PLCZ1: variants seen among roughly 807,000 people sequenced by gnomAD.
PLCZ1 encodes the protein 1-phosphatidylinositol 4,5-bisphosphate phosphodiesterase zeta-1.
A neutral mutation model predicts 76.8 loss-of-function variants in PLCZ1; 64 were observed. That is an observed-to-expected ratio of 0.83 (90% CI 0.68 to 1.03). The LOEUF (loss-of-function observed/expected upper bound fraction) is 1.03, where lower values mean the gene tolerates loss of function less well. PLCZ1 is among the 50% of genes least tolerant of loss of function. PLCZ1 has a pLI of 0.00. For synonymous variants in PLCZ1, 248 were observed against 230.8 expected (o/e 1.07, Z -0.68); for missense variants, 751 against 713.7 (o/e 1.05, Z -0.60).
At chr12:18,666,124 G>T in the PLCZ1 span, among the ~76,000 whole-genome samples, 1 of 151,482 alleles carries the variant, frequency 6.6e-6, no homozygotes, top group East Asian at 1.9e-4. Flanking sequence ...AAATGAAAAA[G>T]AAATCAAGTG....
the PLCZ1 span, among the ~76,000 whole-genome samples, chr12:18,656,649 T>G: frequency 6.6e-6 from 1 of 152,070 alleles, no homozygotes; most frequent in South Asian, 2.1e-4. Context: ...GGTGGAAGGA[T>G]TGCTTGAGGC....
At chr12:18,734,937 T>C (rs368284754) in intron 3 of PLCZ1, among the ~76,000 whole-genome samples, 2 of 152,206 alleles carry the variant, frequency 1.3e-5, no homozygotes, top group African/African-American at 4.8e-5. Flanking sequence ...GTTCCTTTTA[T>C]ACTTAATTTA....
chr12:18,650,919 C>T, the PLCZ1 span, among the ~76,000 whole-genome samples: 1 of 151,450 alleles, frequency 6.6e-6, no homozygotes, highest in Non-Finnish European at 1.5e-5. Flanking sequence ...TGAACAGTCT[C>T]CTCCTTTCTA....
chr12:18,675,712 A>G, the PLCZ1 span, among the ~76,000 whole-genome samples: 1 of 152,186 alleles, frequency 6.6e-6, no homozygotes, highest in East Asian at 1.9e-4. Context: ...ATAAAATTAT[A>G]TCTTTTGCAG....
intron 3 of PLCZ1, chr12:18,731,138 G>T (rs1197977181): frequency 6.6e-6 from 1 of 152,052 alleles, no homozygotes; most frequent in Non-Finnish European, 1.5e-5. Context: ...ATTGAGAGAA[G>T]TGGTTGTTGG....
the PLCZ1 span, among the ~76,000 whole-genome samples, chr12:18,653,994 A>T: frequency 6.6e-6 from 1 of 152,110 alleles, no homozygotes; most frequent in Non-Finnish European, 1.5e-5. Context: ...TGAGTAGCTT[A>T]AAAAAGAGCC....
intron 5 of PLCZ1, among the ~76,000 whole-genome samples, 178 bp downstream of exon 5, chr12:18,719,253 C>T (rs1958290688): frequency 6.6e-6 from 1 of 152,050 alleles, no homozygotes; most frequent in South Asian, 2.1e-4. Context: ...AATTACGTTG[C>T]CACTTCATCC....
the PLCZ1 span, among the ~76,000 whole-genome samples, chr12:18,668,022 A>C: frequency 3.9e-4 from 59 of 152,344 alleles, no homozygotes; most frequent in African/African-American, 1.3e-3. Context: ...CCTTTAGGAC[A>C]CTACCTAATA....
At chr12:18,701,240 C>T (rs1803596481) in intron 9 of PLCZ1, among the ~76,000 whole-genome samples, 1 of 152,054 alleles carries the variant, frequency 6.6e-6, no homozygotes, top group Admixed American at 6.5e-5. Context: ...CCACCTCAGC[C>T]TCCCAAAGTG....
intron 3 of PLCZ1, among the ~76,000 whole-genome samples, chr12:18,728,539 G>A (rs1235925984): frequency 6.6e-6 from 1 of 152,128 alleles, no homozygotes; most frequent in Non-Finnish European, 1.5e-5. Flanking sequence ...ACTTTAAGAG[G>A]AGAGCAGAAG....
At chr12:18,685,551 G>C (rs1952979540) in intron 13 of PLCZ1, 13 of 433,046 alleles carry the variant, frequency 3.0e-5, no homozygotes, top group Admixed American at 3.0e-4. Flanking sequence ...TGGTTCACCT[G>C]TGGTCACAAG....
At chr12:18,722,867 T>C (rs540168381) in intron 4 of PLCZ1, among the ~76,000 whole-genome samples, 2 of 152,050 alleles carry the variant, frequency 1.3e-5, no homozygotes, top group Non-Finnish European at 2.9e-5. Context: ...AATATTTTCT[T>C]CTTAGAATTT....
chr12:18,658,726 A>C, the PLCZ1 span, among the ~76,000 whole-genome samples: 56,921 of 152,000 alleles, frequency 0.37, 12,815 homozygotes, highest in South Asian at 0.57. Context: ...TATGCATATA[A>C]ATTCTTTTAG....
In PLCZ1 at chr12:18,688,031, T is replaced by G; in HGVS notation, c.1591+58A>C. The G allele has an allele frequency of 2.5e-6, 4 of 1,592,310 alleles. No individual in the cohort carries two copies. In the South Asian group the frequency reaches 4.4e-5, roughly 18 times the overall value. On this transcript the variant is annotated intron_variant, in intron 13 of 14. Transcript: ENST00000266505. ...ACAAAAACTCTATCAACATATAATTTGTAAGCTTTCCAACAAGAAGTCTAA... is the reference window on the plus strand; with the variant it reads ...ACAAAAACTCTATCAACATATAATTGGTAAGCTTTCCAACAAGAAGTCTAA...
chr12:18,684,366 T>A, intron 13 of PLCZ1, 87 bp from the exon 14 acceptor site: 1 of 1,282,720 alleles, frequency 7.8e-7, no homozygotes, highest in Non-Finnish European at 1.1e-6. Context: ...AACTTTTTCT[T>A]TTCAACCCTT....
chr12:18,650,967 C>T, the PLCZ1 span, among the ~76,000 whole-genome samples: 2 of 151,620 alleles, frequency 1.3e-5, no homozygotes, highest in Non-Finnish European at 2.9e-5. Context: ...CTCAACACAG[C>T]AATGGGAATG....
intron 9 of PLCZ1, among the ~76,000 whole-genome samples, chr12:18,700,512 CAAAAAA>C (rs11324526): frequency 0.013 from 872 of 67,908 alleles, 7 homozygotes; most frequent in Admixed American, 0.02. Flanking sequence ...AGCCAACGTA[CAAAAAA>C]AAAAAAAAAA....
At chr12:18,725,518 A>G (rs1311573795) in intron 3 of PLCZ1, among the ~76,000 whole-genome samples, 4 of 152,126 alleles carry the variant, frequency 2.6e-5, no homozygotes, top group Non-Finnish European at 5.9e-5. Context: ...ACAGATTAAC[A>G]GTATATATGC....
downstream of PLCZ1, among the ~76,000 whole-genome samples, chr12:18,679,625 T>C (rs911575858): frequency 1.1e-4 from 17 of 151,928 alleles, no homozygotes; most frequent in African/African-American, 4.1e-4. Context: ...CAATGTAAGA[T>C]TGCTGAAAGG....
Sources: gnomAD v4.1 joint callset for allele counts (sites outside exome capture counted in the v4.1 genomes callset) on GRCh38, gnomAD v4.1.1 for gene constraint, MANE v1.5 for transcripts, NCBI Gene and HGNC (gene_info 2026-07-23, HGNC 2026-07-21) for gene names.